PTPRA: variants seen among roughly 807,000 people sequenced by gnomAD.
The protein encoded by PTPRA is protein tyrosine phosphatase receptor type A.
A neutral mutation model predicts 104.8 loss-of-function variants in PTPRA; 25 were observed. That is an observed-to-expected ratio of 0.24 (90% confidence interval 0.17 to 0.33). The LOEUF is 0.33. Ranked by LOEUF, PTPRA falls within the 10% of genes least tolerant of loss-of-function variation. The probability of loss-of-function intolerance (pLI) is 1.00; values close to 1 mark genes in which losing one functional copy is unlikely to be tolerated. For synonymous variants in PTPRA, 323 were observed against 368.9 expected (o/e 0.88, Z 1.43); for missense variants, 765 against 1,015.3 (o/e 0.75, Z 3.35).
At chr20:2,902,852 G>T (rs1234428262) in intron 1 of PTPRA, among the ~76,000 whole-genome samples, 2 of 152,086 alleles carry the variant, frequency 1.3e-5, no homozygotes, top group Non-Finnish European at 2.9e-5. Context: ...TTTTCAACTG[G>T]CCCGTTAAAG....
intron 5 of PTPRA, among the ~76,000 whole-genome samples, chr20:2,969,086 C>G (rs2062053733): frequency 6.6e-6 from 1 of 151,888 alleles, no homozygotes; most frequent in Admixed American, 6.6e-5. Flanking sequence ...TTGGCATATA[C>G]TTGTAATCCC....
intron 3 of PTPRA, among the ~76,000 whole-genome samples, chr20:2,948,928 G>C (rs1249967180): frequency 6.6e-6 from 1 of 151,938 alleles, no homozygotes; most frequent in Non-Finnish European, 1.5e-5. Flanking sequence ...CTCCAGCCTG[G>C]GTGACAGAGC....
At chr20:2,932,063 A>C (rs181691445) in intron 2 of PTPRA, among the ~76,000 whole-genome samples, 230 of 152,326 alleles carry the variant, frequency 1.5e-3, no homozygotes, top group Middle Eastern at 6.8e-3. Flanking sequence ...GACCCAAATA[A>C]AATTTTGATG....
intron 1 of PTPRA, among the ~76,000 whole-genome samples, chr20:2,900,490 G>A (rs1307224667): frequency 6.6e-6 from 1 of 152,102 alleles, no homozygotes; most frequent in Non-Finnish European, 1.5e-5. Flanking sequence ...AATTTCCATT[G>A]CTGTGGTTTA....
At chr20:2,998,479 G>A (rs1018965701) in intron 9 of PTPRA, among the ~76,000 whole-genome samples, 1 of 152,174 alleles carries the variant, frequency 6.6e-6, no homozygotes, top group Non-Finnish European at 1.5e-5. Context: ...TGTGACAAGG[G>A]CTTTGGAATT....
intron 1 of PTPRA, among the ~76,000 whole-genome samples, chr20:2,918,450 C>A (rs900598816): frequency 1.3e-5 from 2 of 152,154 alleles, no homozygotes; most frequent in African/African-American, 4.8e-5. Flanking sequence ...CCAGTGGTTG[C>A]CGTAGTAAGC....
intron 11 of PTPRA, among the ~76,000 whole-genome samples, chr20:3,007,998 GGCA>G (rs1171800006): frequency 6.6e-6 from 1 of 152,180 alleles, no homozygotes; most frequent in Non-Finnish European, 1.5e-5. Context: ...TTTTGTCTTT[GGCA>G]GTAGCCTGAA....
At chr20:2,953,097 A>C (rs992948984) in intron 3 of PTPRA, among the ~76,000 whole-genome samples, 7 of 152,110 alleles carry the variant, frequency 4.6e-5, no homozygotes, top group African/African-American at 1.7e-4. Flanking sequence ...TCATATGTTA[A>C]TACTGTATTT....
At chr20:2,926,606 C>CAA (rs1034018728) in intron 2 of PTPRA, among the ~76,000 whole-genome samples, 3 of 152,016 alleles carry the variant, frequency 2.0e-5, no homozygotes, top group Non-Finnish European at 4.4e-5. Context: ...TTAGGGGACA[C>CAA]AATTCAGTCT....
intron 2 of PTPRA, among the ~76,000 whole-genome samples, chr20:2,925,696 T>TC (rs2060268433): frequency 6.6e-6 from 1 of 152,088 alleles, no homozygotes; most frequent in Non-Finnish European, 1.5e-5. Flanking sequence ...TGCCTGTAAT[T>TC]CCCAGCTACT....
rs2060161066 is a variant in PTPRA at position 2,923,219 on chromosome 20, A to G, written c.-116A>G. The G allele has an allele frequency of 8.0e-7, 1 of 1,251,214 alleles. No homozygotes were observed. The highest frequency in any genetic ancestry group is 1.0e-6 in the Non-Finnish European group (1 of 963,770). The allele number at this position is 1,251,214 out of a possible 1,614,324, so 77.5% of individuals were successfully genotyped here. On this transcript the variant is annotated 5_prime_UTR_variant, in exon 2 of 24. Coordinates refer to ENST00000399903, the MANE Select transcript of PTPRA (RefSeq NM_001385305.1). ...CCTTTTGTTGCAGGTGACACAACTA[A>G]AAAAAAACAAAGGTATTTATGGAAT...
At chr20:3,011,854 A>G (rs971938252) in intron 11 of PTPRA, among the ~76,000 whole-genome samples, 4 of 152,216 alleles carry the variant, frequency 2.6e-5, no homozygotes, top group Non-Finnish European at 4.4e-5. Context: ...CAGAGCAGCT[A>G]TAGATCTATG....
intron 2 of PTPRA, among the ~76,000 whole-genome samples, chr20:2,932,436 C>CT (rs1410127801): frequency 6.6e-6 from 1 of 152,072 alleles, no homozygotes; most frequent in East Asian, 1.9e-4. Context: ...ACATCCGTGT[C>CT]TATTTGTAAA....
intron 9 of PTPRA, among the ~76,000 whole-genome samples, chr20:3,002,453 A>G (rs898009900): frequency 2.0e-5 from 3 of 151,448 alleles, no homozygotes; most frequent in African/African-American, 4.9e-5. Flanking sequence ...CAGCCTCCCA[A>G]GTAGCTGGGG....
chr20:2,973,756 A>C (rs1214695673), intron 5 of PTPRA, among the ~76,000 whole-genome samples: 3 of 152,148 alleles, frequency 2.0e-5, no homozygotes, highest in Non-Finnish European at 2.9e-5. Context: ...TCACATGACC[A>C]CACCTAGCAC....
At chr20:2,931,178 T>C (rs2060490059) in intron 2 of PTPRA, among the ~76,000 whole-genome samples, 1 of 152,092 alleles carries the variant, frequency 6.6e-6, no homozygotes, top group Non-Finnish European at 1.5e-5. Flanking sequence ...AAGCTCCCTC[T>C]CTCTCCCTGT....
At chr20:2,865,778 T>C in the PTPRA span, 1 of 506,196 alleles carries the variant, frequency 2.0e-6, no homozygotes, top group Non-Finnish European at 3.6e-6. The surrounding 1 kb of genome is among the most constrained non-coding windows in gnomAD (Gnocchi z 5.2). Context: ...GGGAAAGTCT[T>C]GTCTGAGGAG....
chr20:2,970,650 G>C lies in PTPRA; in HGVS notation c.416-4565G>C, dbSNP rs74774859. On this transcript the variant is annotated intron_variant, in intron 5 of 23. Coordinates refer to ENST00000399903, the MANE Select transcript of PTPRA (RefSeq NM_001385305.1). ...ATGTTGTTCCCTAGGTGGTCATCTA[G>C]ATTTTCTGCATTGCAGAAGATATCA... Among the ~76,000 whole-genome samples the C allele has an allele frequency of 4.9e-4, 74 of 152,142 alleles. No homozygotes were observed. In the East Asian group the frequency reaches 0.013, roughly 26 times the overall value.
At chr20:2,879,327 G>T (rs1186269771) in intron 1 of PTPRA, among the ~76,000 whole-genome samples, 1 of 152,172 alleles carries the variant, frequency 6.6e-6, no homozygotes, top group South Asian at 2.1e-4. Context: ...GAATCAGTAG[G>T]TTTGGGGTGG....
Sources: gnomAD v4.1 joint callset for allele counts (sites outside exome capture counted in the v4.1 genomes callset) on GRCh38, gnomAD v4.1.1 for gene constraint, Gnocchi (gnomAD v3.1) non-coding constraint, MANE v1.5 for transcripts, NCBI Gene and HGNC (gene_info 2026-07-23, HGNC 2026-07-21) for gene names.